LARP6: variants seen among roughly 807,000 people sequenced by gnomAD.
The protein encoded by LARP6 is la-related protein 6.
A neutral mutation model predicts 32.8 loss-of-function variants in LARP6; 18 were observed. The ratio of observed to expected loss-of-function variants is 0.55; its 90% CI spans 0.38 to 0.81. LARP6 has a LOEUF of 0.81. Among genes scored for constraint, LARP6 ranks in the 40% least tolerant of loss-of-function variants. The pLI, the probability that LARP6 is intolerant of heterozygous loss-of-function variation, is 0.00. For synonymous variants in LARP6, 289 were observed against 267.2 expected (o/e 1.08, Z -0.80); for missense variants, 598 against 663.1 (o/e 0.90, Z 1.08).
At chr15:70,852,905 T>C (rs1047929969) in intron 1 of LARP6, among the ~76,000 whole-genome samples, 3 of 152,110 alleles carry the variant, frequency 2.0e-5, no homozygotes, top group African/African-American at 7.2e-5. Context: ...CCCAGTGAAG[T>C]AGATATACGC....
chr15:70,846,621 A>AATACATAC (rs71152317), intron 1 of LARP6, among the ~76,000 whole-genome samples: 2,378 of 148,858 alleles, frequency 0.016, 27 homozygotes, highest in African/African-American at 0.026. Context: ...AAAATAAATA[A>AATACATAC]ATACATACAT....
intron 1 of LARP6, among the ~76,000 whole-genome samples, chr15:70,837,808 A>G (rs1372140536): frequency 6.6e-6 from 1 of 152,196 alleles, no homozygotes; most frequent in East Asian, 1.9e-4. Flanking sequence ...TCCTGGCTTT[A>G]GAGTTAAGAT....
At chr15:70,853,309 GAA>G (rs2032534588) in intron 1 of LARP6, 1 of 151,328 alleles carries the variant, frequency 6.6e-6, no homozygotes, top group African/African-American at 2.4e-5. Flanking sequence ...CAGGGCGGAG[GAA>G]GTAAAGCAGC....
At chr15:70,844,265 G>A (rs1218322893) in intron 1 of LARP6, among the ~76,000 whole-genome samples, 1 of 152,020 alleles carries the variant, frequency 6.6e-6, no homozygotes, top group Non-Finnish European at 1.5e-5. Flanking sequence ...CCCTATTTGT[G>A]TTTTAAAATA....
At chr15:70,833,203 A>T in intron 2 of LARP6, 87 bp from the exon 3 acceptor site, 1 of 1,055,732 alleles carries the variant, frequency 9.5e-7, no homozygotes, top group Non-Finnish European at 1.4e-6. Context: ...TCACTTCCTT[A>T]TCCCTGTAAC....
In LARP6 at chr15:70,847,424, C is replaced by T. The variant is rs140247981; in HGVS notation, c.200+6465G>A. Among the ~76,000 whole-genome samples, 711 of 151,686 alleles carry T rather than the reference C, an allele frequency of 4.7e-3. 5 individuals carry two copies. Among genetic ancestry groups the T allele is most frequent in the African/African-American group, 0.017 (685 of 41,298 alleles). ...TCACTCTATCGCCTAGGCTGGAGTG[C>T]AGTGGCACTATCTTGGCTCACTGCA... is the stretch of plus-strand genomic sequence containing the variant. On this transcript the variant is annotated intron_variant, in intron 1 of 2. Coordinates refer to ENST00000299213, the MANE Select transcript of LARP6 (RefSeq NM_018357.4).
intron 1 of LARP6, among the ~76,000 whole-genome samples, chr15:70,845,604 C>T (rs1050280500): frequency 1.3e-5 from 2 of 152,246 alleles, no homozygotes; most frequent in Non-Finnish European, 2.9e-5. Flanking sequence ...CCTTTATCCC[C>T]ACTCCCATAC....
chr15:70,851,504 T>A, intron 1 of LARP6: 6 of 1,452,248 alleles, frequency 4.1e-6, no homozygotes, highest in Non-Finnish European at 5.5e-6. Flanking sequence ...AGGCTAGGTA[T>A]GGAAATACAA....
chr15:70,851,801 A>T, intron 1 of LARP6: 1 of 1,592,772 alleles, frequency 6.3e-7, no homozygotes, highest in Non-Finnish European at 8.6e-7. Flanking sequence ...AGCAACAGAG[A>T]AGAAAGGAAA....
chr15:70,845,526 T>C (rs1226035729), intron 1 of LARP6, among the ~76,000 whole-genome samples: 2 of 152,198 alleles, frequency 1.3e-5, no homozygotes, highest in Non-Finnish European at 2.9e-5. Flanking sequence ...GAATGATCAC[T>C]GTGGATGCTA....
At position 70,832,837 on chromosome 15, in the gene LARP6, G is replaced by A. The variant is rs754847757; in HGVS notation, c.691C>T (p.Arg231Trp). 2.5e-6 allele frequency: 4 copies of A among 1,612,780 alleles called. No homozygotes were observed. Among genetic ancestry groups the A allele is most frequent in the African/African-American group, 1.3e-5 (1 of 74,828 alleles). The change falls in exon 3 of 3, where the codon CGG (arginine) becomes TGG (tryptophan). Residue 231 changes from arginine to tryptophan, a missense_variant. Coordinates refer to ENST00000299213, the MANE Select transcript of LARP6 (RefSeq NM_018357.4). ...AGCTCTCTCCCAGGTTTGAGGATCC[G>A]CACTGATGAGATGACTCCAAAAGTC... ...FGTFGVISSV[R>W]ILKPGRELPP...
In LARP6 at chr15:70,854,143, C is replaced by T; in HGVS notation, c.-55G>A. On this transcript the variant is annotated 5_prime_UTR_variant, in exon 1 of 3. Coordinates refer to ENST00000299213, the MANE Select transcript of LARP6 (RefSeq NM_018357.4). Reference sequence around the variant, plus strand: ...CCTCACGCCGCAAGGCCCAGCCAGCCGGTCGGCAGCGACTGCGACGAGGGG... The same window carrying T: ...CCTCACGCCGCAAGGCCCAGCCAGCTGGTCGGCAGCGACTGCGACGAGGGG... 1 of 1,185,536 alleles carries T rather than the reference C, an allele frequency of 8.4e-7. No homozygotes were observed. The highest frequency in any genetic ancestry group is 1.1e-6 in the Non-Finnish European group (1 of 952,256). The allele number at this position is 1,185,536 out of a possible 1,614,324, so 73.4% of individuals were successfully genotyped here.
In LARP6 at chr15:70,854,114, G is replaced by C; in HGVS notation, c.-26C>G. 8.1e-7 allele frequency: 1 copy of C among 1,238,018 alleles called. No homozygotes were observed. The highest frequency in any genetic ancestry group is 1.0e-6 in the Non-Finnish European group (1 of 988,292). The allele number at this position is 1,238,018 out of a possible 1,614,324, so 76.7% of individuals were successfully genotyped here. ...GGCTCGCGGGACTGCGGCGCCGCCG[G>C]GGTCCTCACGCCGCAAGGCCCAGCC... On this transcript the variant is annotated 5_prime_UTR_variant, in exon 1 of 3. Transcript: ENST00000299213.
chr15:70,852,777 C>T (rs938456537), intron 1 of LARP6, among the ~76,000 whole-genome samples: 28 of 152,202 alleles, frequency 1.8e-4, no homozygotes, highest in Admixed American at 2.6e-4. Context: ...ACTGTCTCTA[C>T]TGGTCTGCCC....
intron 1 of LARP6, among the ~76,000 whole-genome samples, chr15:70,848,215 T>C (rs2032382105): frequency 2.6e-5 from 4 of 152,200 alleles, no homozygotes. Flanking sequence ...GCACATGTTA[T>C]GCTTGCGTGG....
intron 1 of LARP6, among the ~76,000 whole-genome samples, chr15:70,839,115 T>A (rs144711405): frequency 2.0e-5 from 3 of 152,188 alleles, no homozygotes; most frequent in African/African-American, 7.2e-5. Context: ...AATGGCTTTT[T>A]AAAATACCTT....
rs1253890859 is a variant in LARP6 at position 70,830,061 on chromosome 15, G to T, written c.*1991C>A. ...AGGGAAGCATAGGGCGGGGCTGGAG[G>T]GGGCCCTGACATTGCCCAAGGTCAG... On this transcript the variant is annotated 3_prime_UTR_variant, in exon 3 of 3. Coordinates refer to ENST00000299213, the MANE Select transcript of LARP6 (RefSeq NM_018357.4). 6.6e-6 allele frequency: 1 copy of T among 152,422 alleles called. No homozygotes were observed. The highest frequency in any genetic ancestry group is 1.5e-5 in the Non-Finnish European group (1 of 68,128). The allele number at this position is 152,422 out of a possible 1,614,324, so 9.4% of individuals were successfully genotyped here.
intron 1 of LARP6, among the ~76,000 whole-genome samples, chr15:70,849,935 A>C (rs1184435621): frequency 6.6e-6 from 1 of 152,048 alleles, no homozygotes; most frequent in Non-Finnish European, 1.5e-5. Context: ...TTTTTTAAAA[A>C]AAAATAGAGC....
chr15:70,832,578 T>C lies in LARP6; in HGVS notation c.950A>G (p.Asn317Ser). 6.3e-7 allele frequency: 1 copy of C among 1,584,650 alleles called. No homozygotes were observed. Among genetic ancestry groups the C allele is most frequent in the Non-Finnish European group, 8.6e-7 (1 of 1,168,272 alleles). Reference sequence around the variant, plus strand: ...CTCGACTCTCTTGTTCAGGGACTTGTTCAGGTGGATGCTCGCAGTGGGCTC... The same window carrying C: ...CTCGACTCTCTTGTTCAGGGACTTGCTCAGGTGGATGCTCGCAGTGGGCTC... ...DEEPTASIHL[N>S]KSLNKRVEEL... is the part of the protein sequence containing the mutation. The change falls in exon 3 of 3, where the codon AAC becomes AGC. Residue 317 changes from asparagine to serine, a missense_variant. Transcript: ENST00000299213.
Sources: gnomAD v4.1 joint callset for allele counts (sites outside exome capture counted in the v4.1 genomes callset) on GRCh38, gnomAD v4.1.1 for gene constraint, MANE v1.5 for transcripts, NCBI Gene and HGNC (gene_info 2026-07-23, HGNC 2026-07-21) for gene names.